The following DCC variants were observed in gnomAD, a reference collection of about 807,000 sequenced individuals.
DCC encodes DCC netrin 1 receptor.
DCC carries 58 observed loss-of-function variants against 172.5 expected under a neutral mutation model. The ratio of observed to expected loss-of-function variants is 0.34; its 90% confidence interval spans 0.27 to 0.42. The LOEUF (loss-of-function observed/expected upper bound fraction) is 0.42. Ranked by LOEUF, DCC falls within the 10% of genes least tolerant of loss-of-function variation. DCC has a pLI of 1.00. For synonymous variants in DCC, 709 were observed against 644.5 expected, an observed-to-expected ratio of 1.10 and a Z score of -1.52; for missense variants, 1,740 against 1,791.0, an observed-to-expected ratio of 0.97 and a Z score of 0.51.
intron 2 of DCC, among the ~76,000 whole-genome samples, chr18:52,856,422 A>G (rs1051148147): frequency 6.6e-6 from 1 of 151,720 alleles, no homozygotes. Flanking sequence ...TCAGGAGATC[A>G]AGACCATCCT....
intron 22 of DCC, among the ~76,000 whole-genome samples, chr18:53,438,662 A>T (rs1191069115): frequency 1.3e-5 from 2 of 152,236 alleles, no homozygotes; most frequent in Non-Finnish European, 2.9e-5. Flanking sequence ...GTTGCTATTC[A>T]AATTAAAATA....
intron 1 of DCC, among the ~76,000 whole-genome samples, chr18:52,521,519 A>G (rs982818860): frequency 2.6e-5 from 4 of 152,114 alleles, no homozygotes; most frequent in East Asian, 1.9e-4. Flanking sequence ...GTGTGCCTAC[A>G]TGGCCCCATC....
chr18:52,627,116 TCTTA>T (rs1475921084), intron 1 of DCC, among the ~76,000 whole-genome samples: 4 of 152,328 alleles, frequency 2.6e-5, no homozygotes, highest in Admixed American at 6.5e-5. Flanking sequence ...CTATTTTACA[TCTTA>T]CTTCTGCAGA....
intron 1 of DCC, among the ~76,000 whole-genome samples, chr18:52,483,553 C>T (rs1468462719): frequency 6.6e-6 from 1 of 151,894 alleles, no homozygotes; most frequent in Non-Finnish European, 1.5e-5. Flanking sequence ...ACTTCTTGAA[C>T]GTTTTGAAGG....
intron 7 of DCC, among the ~76,000 whole-genome samples, chr18:53,114,034 A>T (rs1378836068): frequency 2.0e-5 from 3 of 151,542 alleles, no homozygotes. Flanking sequence ...AATTGTGAAC[A>T]TGAAGATAGA....
At chr18:52,697,518 T>C (rs2036034394) in intron 1 of DCC, among the ~76,000 whole-genome samples, 1 of 152,172 alleles carries the variant, frequency 6.6e-6, no homozygotes, top group African/African-American at 2.4e-5. Flanking sequence ...GAGTATCAAA[T>C]GACCCAGAAA....
rs60983168 is a variant in DCC at position 52,439,174 on chromosome 18, TTG to T, written c.91+98332_91+98333del. On this transcript the variant is annotated intron_variant, in intron 1 of 28. Transcript: ENST00000442544. ...CTGTTAATATTTTGGAAGATATGTT[TTG>T]TGTGTGTGTGTGTGTGTGTGTGTGT... Among the ~76,000 whole-genome samples the T allele has an allele frequency of 1.7e-3, 247 of 144,834 alleles. 1 individual carries two copies. The East Asian group carries it at 0.019, about 11-fold the overall frequency.
intron 5 of DCC, among the ~76,000 whole-genome samples, chr18:53,000,725 C>G (rs1332856798): frequency 1.3e-5 from 2 of 150,876 alleles, no homozygotes; most frequent in Non-Finnish European, 3.0e-5. Flanking sequence ...TCAGTCAGAG[C>G]CAGTAATATG....
chr18:53,503,011 C>A (rs956606225), intron 27 of DCC, among the ~76,000 whole-genome samples: 1 of 152,214 alleles, frequency 6.6e-6, no homozygotes, highest in East Asian at 1.9e-4. Flanking sequence ...TTCCTCCCTT[C>A]ACCCTACCCA....
rs146906744 is a variant in DCC, at chr18:52,822,048, T to C, written c.412+69674T>C. Among the ~76,000 whole-genome samples, 121 of 152,302 alleles carry C rather than the reference T, an allele frequency of 7.9e-4. 1 individual carries two copies. The East Asian group carries it at 0.021, about 27-fold the overall frequency. On this transcript the variant is annotated intron_variant, in intron 2 of 28. Transcript: ENST00000442544. ...TAATTGGGCTTTAGAATCTCTTCAT[T>C]TGCATTTGAAATGAACCCATCCAAT...
At chr18:52,521,832 G>A (rs912214322) in intron 1 of DCC, among the ~76,000 whole-genome samples, 2 of 152,114 alleles carry the variant, frequency 1.3e-5, no homozygotes, top group African/African-American at 4.8e-5. Flanking sequence ...ATTAGTAGCT[G>A]AGTTTCTATC....
intron 1 of DCC, among the ~76,000 whole-genome samples, chr18:52,421,304 G>A (rs1481584405): frequency 6.6e-6 from 1 of 152,192 alleles, no homozygotes. Flanking sequence ...ATGAAGGGCT[G>A]ATGGTGGGTG....
intron 1 of DCC, among the ~76,000 whole-genome samples, chr18:52,691,921 G>T (rs2035935779): frequency 6.6e-6 from 1 of 152,012 alleles, no homozygotes; most frequent in Non-Finnish European, 1.5e-5. Context: ...ATGACTTCAG[G>T]GAAAAAGAGA....
chr18:53,168,896 G>A (rs1296326556), intron 8 of DCC, among the ~76,000 whole-genome samples: 6 of 152,070 alleles, frequency 3.9e-5, no homozygotes, highest in African/African-American at 1.4e-4. Flanking sequence ...ATCTAGAATG[G>A]CAGCTAGCAC....
intron 12 of DCC, among the ~76,000 whole-genome samples, chr18:53,270,284 A>T (rs942758989): frequency 4.6e-5 from 7 of 152,074 alleles, no homozygotes; most frequent in African/African-American, 1.7e-4. Flanking sequence ...ATAGGAGGGG[A>T]TTTGAAAGAT....
chr18:52,908,391 A>T (rs767402162), intron 3 of DCC, among the ~76,000 whole-genome samples: 1 of 152,188 alleles, frequency 6.6e-6, no homozygotes. Context: ...CAAAACATAC[A>T]TGCATCTATT....
intron 2 of DCC, among the ~76,000 whole-genome samples, chr18:52,775,450 T>C (rs965814595): frequency 3.9e-5 from 6 of 152,208 alleles, no homozygotes; most frequent in African/African-American, 1.4e-4. Flanking sequence ...TGCCTTGGTG[T>C]ACTGGAATAA....
At chr18:52,477,801 A>G (rs993218036) in intron 1 of DCC, among the ~76,000 whole-genome samples, 4 of 152,112 alleles carry the variant, frequency 2.6e-5, no homozygotes, top group African/African-American at 9.7e-5. Context: ...TGATTTCAAA[A>G]CAGCTTTCAT....
At chr18:52,743,707 T>A (rs146973423) in intron 1 of DCC, among the ~76,000 whole-genome samples, 1 of 152,212 alleles carries the variant, frequency 6.6e-6, no homozygotes, top group Non-Finnish European at 1.5e-5. Flanking sequence ...GAAGATGCCA[T>A]GTGCTCGGAA....
Sources: gnomAD v4.1 joint callset for allele counts (sites outside exome capture counted in the v4.1 genomes callset) on GRCh38, gnomAD v4.1.1 for gene constraint, MANE v1.5 for transcripts, NCBI Gene and HGNC (gene_info 2026-07-23, HGNC 2026-07-21) for gene names.